The following TERB2 variants were observed in gnomAD, a reference collection of about 807,000 sequenced individuals.
The protein encoded by TERB2 is telomere repeat binding bouquet formation protein 2, also known as telomere repeats-binding bouquet formation protein 2.
TERB2 carries 26 observed loss-of-function variants against 29.8 expected under a neutral mutation model. The ratio of observed to expected loss-of-function variants is 0.87; its 90% CI spans 0.64 to 1.21. The LOEUF (loss-of-function observed/expected upper bound fraction) is 1.21, where lower values mean the gene tolerates loss of function less well. TERB2 is among the 50% of genes most tolerant of loss of function. The pLI is 0.00. For missense variants in TERB2, 240 were observed against 268.6 expected (o/e 0.89, Z 0.74); for synonymous variants, 80 against 90.8 (o/e 0.88, Z 0.68).
intron 2 of TERB2, among the ~76,000 whole-genome samples, chr15:44,957,775 G>C (rs1273573920): frequency 6.6e-6 from 1 of 151,950 alleles, no homozygotes; most frequent in Non-Finnish European, 1.5e-5. Context: ...CATCAGATCA[G>C]GGCCCTACCA....
Position 44,969,948 on chromosome 15 carries a change from A to G in TERB2, c.434+3705A>G, listed in dbSNP as rs538649530. The G allele has an allele frequency of 3.3e-4, 50 of 151,960 alleles. 3 individuals carry two copies. The highest frequency in any genetic ancestry group is 1.1e-3 in the African/African-American group (46 of 41,204). The allele number at this position is 151,960 out of a possible 1,614,324, so 9.4% of individuals were successfully genotyped here. ...CTCTACAAAATTTTAATCAAAATCT[A>G]CGTTTAGTTTGTTAAGTAATTTCTT... On this transcript the variant is annotated intron_variant, in intron 5 of 6. Coordinates refer to ENST00000340827, the MANE Select transcript of TERB2 (RefSeq NM_152448.3).
In TERB2 at chr15:44,961,538, T is replaced by A. The variant is rs1891803445; in HGVS notation, c.302T>A (p.Ile101Asn). 1 of 1,593,516 alleles carries A rather than the reference T, an allele frequency of 6.3e-7. No homozygotes were observed. Among genetic ancestry groups the A allele is most frequent in the Non-Finnish European group, 8.5e-7 (1 of 1,171,172 alleles). The change falls in exon 4 of 7, where the codon ATT becomes AAT. Residue 101 changes from isoleucine to asparagine, a missense_variant. Transcript: ENST00000340827. Reference protein sequence around the residue: ...ACLQKEIRRKIGSFIWEQDQH... With the variant: ...ACLQKEIRRKNGSFIWEQDQH... ...CTCACCACAGAAATAAGAAGAAAAA[T>A]TGGTAGTTTTATTTGGGAACAAGAC...
chr15:44,972,640 C>T (rs767333118), intron 5 of TERB2, among the ~76,000 whole-genome samples: 19 of 151,342 alleles, frequency 1.3e-4, no homozygotes, highest in Non-Finnish European at 2.1e-4. Context: ...CTCAGCCTCC[C>T]GAATAGCTGG....
chr15:44,971,317 GA>G (rs1891964398), intron 5 of TERB2: 1 of 152,222 alleles, frequency 6.6e-6, no homozygotes, highest in African/African-American at 2.4e-5. Flanking sequence ...CAGCCACTCT[GA>G]GTTATTGAAA....
At chr15:44,973,149 A>G (rs11636471) in intron 5 of TERB2, among the ~76,000 whole-genome samples, 2,529 of 152,258 alleles carry the variant, frequency 0.017, 22 homozygotes, top group Middle Eastern at 0.031. Flanking sequence ...CCAAAGTGCC[A>G]GATTTACAGG....
chr15:44,966,047 TA>T, intron 4 of TERB2, 110 bp from the exon 5 acceptor site: 1 of 558,832 alleles, frequency 1.8e-6, no homozygotes, highest in African/African-American at 2.0e-5. Flanking sequence ...TAAATATTTT[TA>T]TGGCTTTTGA....
At chr15:44,963,506 T>TAAAA (rs965527912) in intron 4 of TERB2, among the ~76,000 whole-genome samples, 1 of 151,942 alleles carries the variant, frequency 6.6e-6, no homozygotes, top group Non-Finnish European at 1.5e-5. Flanking sequence ...TTAAGAGACA[T>TAAAA]AAAAAAGAGG....
At chr15:44,969,616 C>T (rs922823526) in intron 5 of TERB2, among the ~76,000 whole-genome samples, 2 of 150,728 alleles carry the variant, frequency 1.3e-5, no homozygotes, top group Non-Finnish European at 1.5e-5. Flanking sequence ...GAGAGAGAGC[C>T]AGTCACTACA....
At chr15:44,963,533 A>T (rs1458631325) in intron 4 of TERB2, among the ~76,000 whole-genome samples, 2 of 152,076 alleles carry the variant, frequency 1.3e-5, no homozygotes, top group African/African-American at 4.8e-5. Flanking sequence ...AGACATTTGG[A>T]GAGCAATTGG....
At chr15:44,971,758 G>GA (rs571262244) in intron 5 of TERB2, among the ~76,000 whole-genome samples, 46 of 146,218 alleles carry the variant, frequency 3.1e-4, no homozygotes, top group East Asian at 1.8e-3. Context: ...TCTGTCCTCC[G>GA]AAAAAAAAAA....
chr15:44,973,990 A>G, intron 6 of TERB2, 35 bp downstream of exon 6: 1 of 1,470,006 alleles, frequency 6.8e-7, no homozygotes, highest in East Asian at 2.7e-5. Context: ...AAACTCAGGT[A>G]GGAAAGAAAC....
At chr15:44,968,270 C>T (rs1023009074) in intron 5 of TERB2, among the ~76,000 whole-genome samples, 1 of 152,038 alleles carries the variant, frequency 6.6e-6, no homozygotes, top group Non-Finnish European at 1.5e-5. Flanking sequence ...GGCTGGAGTG[C>T]AGTGGCGTGA....
chr15:44,968,584 CTTTTTTTTTTTTT>C (rs34188520), intron 5 of TERB2, among the ~76,000 whole-genome samples: 1 of 98,490 alleles, frequency 1.0e-5, no homozygotes, highest in African/African-American at 4.5e-5. Flanking sequence ...TTTGTTTAAC[CTTTTTTTTTTTTT>C]TTTTTTTTTT....
In TERB2 at chr15:44,958,477, G is replaced by A. The variant is rs374008371; in HGVS notation, c.251G>A (p.Gly84Asp). Residue 84 changes from glycine to aspartate, a missense_variant, in exon 3 of 7, where the codon GGT becomes GAT. Gly to Asp is a moderately conservative substitution (Grantham distance 94). Coordinates refer to ENST00000340827, the MANE Select transcript of TERB2 (RefSeq NM_152448.3). ...NAKIKNSVAL[G>D]HFILPPACLQ... ...AAAATAAAAAACTCGGTGGCTTTGG[G>A]TCATTTCATTCTTCCTCCTGCGTGC... 8 of 1,613,876 alleles carry A rather than the reference G, an allele frequency of 5.0e-6. No individual in the cohort carries two copies. The highest frequency in any genetic ancestry group is 6.8e-6 in the Non-Finnish European group (8 of 1,179,912).
intron 6 of TERB2, 47 bp downstream of exon 6, chr15:44,974,002 A>G: frequency 6.9e-7 from 1 of 1,438,874 alleles, no homozygotes; most frequent in African/African-American, 1.4e-5. Context: ...GAAAGAAACA[A>G]GGGAATATTG....
chr15:44,978,447 C>A (rs764247577), intron 6 of TERB2, 42 bp from the exon 7 acceptor site: 6 of 1,504,630 alleles, frequency 4.0e-6, no homozygotes, highest in South Asian at 1.5e-5. Flanking sequence ...ATAGTATGAG[C>A]GGGTTTTAAG....
At chr15:44,965,216 T>C (rs1891866941) in intron 4 of TERB2, among the ~76,000 whole-genome samples, 1 of 144,080 alleles carries the variant, frequency 6.9e-6, no homozygotes, top group African/African-American at 2.5e-5. Flanking sequence ...AACTTCTTAC[T>C]GGTATATAAA....
At position 44,974,827 on chromosome 15, in the gene TERB2, C is replaced by G. The variant is rs1892021202; in HGVS notation, c.523+872C>G. Among the ~76,000 whole-genome samples, 3 of 151,806 alleles carry G rather than the reference C, an allele frequency of 2.0e-5. No individual in the cohort carries two copies. In the South Asian group the frequency reaches 6.2e-4, roughly 32 times the overall value. Reference sequence around the variant, plus strand: ...CTTTATTTAGCAATGTTAAAACTACCTCTTGCAGCTAGTCCACAGCTTCCT... The same window carrying G: ...CTTTATTTAGCAATGTTAAAACTACGTCTTGCAGCTAGTCCACAGCTTCCT... On this transcript the variant is annotated intron_variant, in intron 6 of 6. Transcript: ENST00000340827.
Position 44,978,856 on chromosome 15 carries a change from A to T in TERB2, c.*228A>T, listed in dbSNP as rs748005829. ...CAAATATTCTCAATGCACAGTTGTT[A>T]ATGAGTAATTGCCGTTAAAATATAT... On this transcript the variant is annotated 3_prime_UTR_variant, in exon 7 of 7. Transcript: ENST00000340827. The T allele has an allele frequency of 8.7e-5, 32 of 366,234 alleles. No individual in the cohort carries two copies. Among genetic ancestry groups the T allele is most frequent in the Non-Finnish European group, 1.3e-4 (30 of 229,898 alleles). The allele number at this position is 366,234 out of a possible 1,614,324, so 22.7% of individuals were successfully genotyped here.
Sources: gnomAD v4.1 joint callset for allele counts (sites outside exome capture counted in the v4.1 genomes callset) on GRCh38, gnomAD v4.1.1 for gene constraint, MANE v1.5 for transcripts, NCBI Gene and HGNC (gene_info 2026-07-23, HGNC 2026-07-21) for gene names.